PRRT2: variants seen among roughly 807,000 people sequenced by gnomAD.
PRRT2 encodes proline-rich transmembrane protein 2.
Under a neutral mutation model 24.7 loss-of-function variants are expected in PRRT2, and 9 were observed. The ratio of observed to expected loss-of-function variants is 0.36; its 90% CI spans 0.22 to 0.64. The LOEUF is 0.64. Ranked by LOEUF, PRRT2 falls within the 30% of genes least tolerant of loss-of-function variation. The pLI is 0.65. For missense variants in PRRT2, 460 were observed against 435.0 expected (o/e 1.06, Z -0.51); for synonymous variants, 195 against 175.5 (o/e 1.11, Z -0.88).
In PRRT2 at chr16:29,814,303, A is replaced by G. The variant is rs1305167545; in HGVS notation, c.880-30A>G. Reference sequence around the variant, plus strand: ...GGGCTGGCTTCTCCTGACCCCGGCTATGTGCCTCCACCCCTCGCCCTAACC... The same window carrying G: ...GGGCTGGCTTCTCCTGACCCCGGCTGTGTGCCTCCACCCCTCGCCCTAACC... On this transcript the variant is annotated intron_variant, in intron 2 of 3. Coordinates refer to ENST00000358758, the MANE Select transcript of PRRT2 (RefSeq NM_145239.3). This position sits in a 1 kb window ranked among gnomAD's most constrained non-coding sequence, Gnocchi z 4.1. 5 of 1,561,710 alleles carry G rather than the reference A, an allele frequency of 3.2e-6. No homozygotes were observed. Among genetic ancestry groups the G allele is most frequent in the African/African-American group, 2.7e-5 (2 of 73,174 alleles).
At position 29,813,126 on chromosome 16, in the gene PRRT2, G is replaced by T; in HGVS notation, c.72G>T (p.Gly24=). Residue 24 remains glycine (G), a synonymous_variant, in exon 2 of 4, where the codon GGG becomes GGT. Coordinates refer to ENST00000358758, the MANE Select transcript of PRRT2 (RefSeq NM_145239.3). The part of the protein sequence containing the change: ...VEESPKVPGE[G]PGHSEAETGP... ...AGAGTCCCAAGGTTCCAGGCGAAGG[G>T]CCTGGCCATTCTGAAGCTGAAACTG... 1 of 1,614,000 alleles carries T rather than the reference G, an allele frequency of 6.2e-7. No homozygotes were observed. Among genetic ancestry groups the T allele is most frequent in the Non-Finnish European group, 8.5e-7 (1 of 1,179,992 alleles).
rs1347630633 is a variant in PRRT2 at position 29,814,728 on chromosome 16, C to T, written c.*90C>T. 1 of 1,410,052 alleles carries T rather than the reference C, an allele frequency of 7.1e-7. No homozygotes were observed. Among genetic ancestry groups the T allele is most frequent in the Non-Finnish European group, 9.6e-7 (1 of 1,039,770 alleles). 87.3% of individuals were successfully genotyped at this position (1,410,052 alleles called of 1,614,324 possible). On this transcript the variant is annotated 3_prime_UTR_variant, in exon 4 of 4. Transcript: ENST00000358758. The surrounding 1 kb of genome is among the most constrained non-coding windows in gnomAD (Gnocchi z 4.1). ...CCTGGGGGGAGCCCAACTGATGGCCCTGGCCCCCACCCCTAAGGACCAAGG... is the reference window on the plus strand; with the variant it reads ...CCTGGGGGGAGCCCAACTGATGGCCTTGGCCCCCACCCCTAAGGACCAAGG...
Position 29,815,555 on chromosome 16 carries a change from T to C in PRRT2, c.*917T>C, listed in dbSNP as rs928516238. 1.3e-5 allele frequency: 2 copies of C among 152,262 alleles called. No individual in the cohort carries two copies. Among genetic ancestry groups the C allele is most frequent in the African/African-American group, 4.8e-5 (2 of 41,338 alleles). The allele number at this position is 152,262 out of a possible 1,614,324, so 9.4% of individuals were successfully genotyped here. On this transcript the variant is annotated 3_prime_UTR_variant, in exon 4 of 4. Coordinates refer to ENST00000358758, the MANE Select transcript of PRRT2 (RefSeq NM_145239.3). ...TTCATTCACGTGCTTCGTAATGAAA[T>C]AATCCAAAAAATAGGACCAAAGCGC... is the stretch of plus-strand genomic sequence containing the variant.
chr16:29,813,020 C>T lies in PRRT2; in HGVS notation c.-35C>T. ...GCCGCTGTCTCTGCTATTCCATCCT[C>T]CCCATAGGGGCTCTCTCCCCTCTCC... On this transcript the variant is annotated 5_prime_UTR_variant, in exon 2 of 4. Coordinates refer to ENST00000358758, the MANE Select transcript of PRRT2 (RefSeq NM_145239.3). 6.4e-7 allele frequency: 1 copy of T among 1,561,342 alleles called. No homozygotes were observed. The highest frequency in any genetic ancestry group is 1.2e-5 in the South Asian group (1 of 81,676).
rs1470819810 is a variant in PRRT2, at chr16:29,814,770, G to A, written c.*132G>A. 4 of 951,090 alleles carry A rather than the reference G, an allele frequency of 4.2e-6. No homozygotes were observed. The East Asian group carries it at 1.0e-4, about 24-fold the overall frequency. The allele number at this position is 951,090 out of a possible 1,614,324, so 58.9% of individuals were successfully genotyped here. Reference sequence around the variant, plus strand: ...GGACCAAGGGAGCCTGAGCGGCCTTGTTTACAGCTTCTGTCCTGCTCCTGC... The same window carrying A: ...GGACCAAGGGAGCCTGAGCGGCCTTATTTACAGCTTCTGTCCTGCTCCTGC... On this transcript the variant is annotated 3_prime_UTR_variant, in exon 4 of 4. Coordinates refer to ENST00000358758, the MANE Select transcript of PRRT2 (RefSeq NM_145239.3). This position sits in a 1 kb window ranked among gnomAD's most constrained non-coding sequence, Gnocchi z 4.1.
chr16:29,813,603 A>C lies in PRRT2; in HGVS notation c.549A>C (p.Ala183=). The change falls in exon 2 of 4, where the codon GCA becomes GCC. Residue 183 remains alanine, a synonymous_variant. Coordinates refer to ENST00000358758, the MANE Select transcript of PRRT2 (RefSeq NM_145239.3). ...TAGGGGAAAAGCAAGAGAATGGGGC[A>C]GTGGTGCCCCTGCAGGCTGGTGATG... ...ESVGEKQENG[A]VVPLQAGDGE... 1 of 1,613,390 alleles carries C rather than the reference A, an allele frequency of 6.2e-7. No homozygotes were observed. The highest frequency in any genetic ancestry group is 1.1e-5 in the South Asian group (1 of 91,032).
At position 29,812,588 on chromosome 16, in the gene PRRT2, T is replaced by TGGGA. The variant is rs1900029681; in HGVS notation, c.-66+267_-66+270dup. 1.9e-5 allele frequency: 3 copies of TGGGA among 153,892 alleles called. No homozygotes were observed. The Admixed American group carries it at 2.0e-4, about 10-fold the overall frequency. The allele number at this position is 153,892 out of a possible 1,614,324, so 9.5% of individuals were successfully genotyped here. On this transcript the variant is annotated intron_variant, in intron 1 of 3. Coordinates refer to ENST00000358758, the MANE Select transcript of PRRT2 (RefSeq NM_145239.3). ...GCGCAGCAAGAAAACCCGCACCGCC[T>TGGGA]GGGAGCCCAGGGAGGAGGGGAGGAT...
chr16:29,813,076 A>T lies in PRRT2; in HGVS notation c.22A>T (p.Ile8Phe). ...CAAGATGGCAGCCAGCAGCTCTGAG[A>T]TCTCTGAGATGAAGGGGGTTGAGGA... MAASSSE[I>F]SEMKGVEESP... Residue 8 changes from isoleucine to phenylalanine, a missense_variant, in exon 2 of 4, where the codon ATC becomes TTC. Around this residue, in one of 3 missense-constraint regions of PRRT2, gnomAD observed 378 missense variants for 324.6 expected, o/e 1.16. Transcript: ENST00000358758. The T allele has an allele frequency of 1.2e-6, 2 of 1,607,994 alleles. No individual in the cohort carries two copies. Among genetic ancestry groups the T allele is most frequent in the South Asian group, 2.2e-5 (2 of 90,464 alleles).
Position 29,814,326 on chromosome 16 carries a change from AC to A in PRRT2, c.880-3del. 6.3e-7 allele frequency: 1 copy of A among 1,592,176 alleles called. No homozygotes were observed. ...CTATGTGCCTCCACCCCTCGCCCTA[AC>A]CCCAGTCCCGGAACAGCCTGCAGCA... On this transcript the variant is annotated splice_region_variant and splice_polypyrimidine_tract_variant and intron_variant, in intron 2 of 3. Transcript: ENST00000358758. This position sits in a 1 kb window ranked among gnomAD's most constrained non-coding sequence, Gnocchi z 4.1.
In PRRT2 at chr16:29,814,209, C is replaced by T; in HGVS notation, c.880-124C>T. On this transcript the variant is annotated intron_variant, in intron 2 of 3. Transcript: ENST00000358758. This position sits in a 1 kb window ranked among gnomAD's most constrained non-coding sequence, Gnocchi z 4.1. ...CCCCCTGCCCCTTCACTCCTCCTTC[C>T]TCCCTTACCCGCCATCTATGGGGCT... The T allele has an allele frequency of 2.7e-6, 4 of 1,492,950 alleles. No individual in the cohort carries two copies. The highest frequency in any genetic ancestry group is 4.6e-5 in the East Asian group (2 of 43,116). 92.5% of individuals were successfully genotyped at this position (1,492,950 alleles called of 1,614,324 possible). A position where few individuals can be genotyped will look rare whatever the true frequency, so the allele number is the denominator to read the frequency against.
Position 29,813,422 on chromosome 16 carries a change from G to A in PRRT2, c.368G>A (p.Gly123Glu), listed in dbSNP as rs758798693. 5.6e-6 allele frequency: 9 copies of A among 1,614,096 alleles called. No homozygotes were observed. Among genetic ancestry groups the A allele is most frequent in the Non-Finnish European group, 6.8e-6 (8 of 1,180,008 alleles). ...EVSKEATADQ[G>E]SRLESAAPPE... ...AGCAAAGAGGCCACTGCAGACCAGG[G>A]GTCCAGGCTGGAGTCTGCAGCCCCA... Residue 123 changes from glycine to glutamate, a missense_variant, in exon 2 of 4, where the codon GGG (glycine) becomes GAG (glutamate). Physicochemically the swap from Gly to Glu is moderately conservative, Grantham distance 98. Coordinates refer to ENST00000358758, the MANE Select transcript of PRRT2 (RefSeq NM_145239.3).
In PRRT2 at chr16:29,813,074, A is replaced by C; in HGVS notation, c.20A>C (p.Glu7Ala). MAASSS[E>A]ISEMKGVEES... ...CTCAAGATGGCAGCCAGCAGCTCTG[A>C]GATCTCTGAGATGAAGGGGGTTGAG... is the stretch of plus-strand genomic sequence containing the variant. The change falls in exon 2 of 4, where the codon GAG becomes GCG. Residue 7 changes from glutamate (E) to alanine (A), a missense_variant. Glu to Ala is a moderately radical substitution (Grantham distance 107). Around this residue, in one of 3 missense-constraint regions of PRRT2, gnomAD observed 378 missense variants for 324.6 expected, o/e 1.16. Transcript: ENST00000358758. The C allele has an allele frequency of 6.2e-7, 1 of 1,607,518 alleles. No homozygotes were observed.
In PRRT2 at chr16:29,813,827, G is replaced by C; in HGVS notation, c.773G>C (p.Gly258Ala). 1 of 1,613,596 alleles carries C rather than the reference G, an allele frequency of 6.2e-7. No individual in the cohort carries two copies. The highest frequency in any genetic ancestry group is 8.5e-7 in the Non-Finnish European group (1 of 1,179,710). The change falls in exon 2 of 4, where the codon GGG becomes GCG. Residue 258 changes from glycine (G) to alanine (A), a missense_variant. Physicochemically the swap from Gly to Ala is moderately conservative, Grantham distance 60. Around this residue, in one of 3 missense-constraint regions of PRRT2, gnomAD observed 378 missense variants for 324.6 expected, o/e 1.16. Coordinates refer to ENST00000358758, the MANE Select transcript of PRRT2 (RefSeq NM_145239.3). ...CAGTTGGCAGGTCCTGGGGTGGAGG[G>C]GGGTGAAGGCACCCAGAAACCTCGG... ...SSQLAGPGVEGGEGTQKPRDY... is the reference protein window; with the variant it reads ...SSQLAGPGVEAGEGTQKPRDY...
At position 29,812,334 on chromosome 16, in the gene PRRT2, G is replaced by A. The variant is rs954946950; in HGVS notation, c.-66+11G>A. On this transcript the variant is annotated intron_variant, in intron 1 of 3. Coordinates refer to ENST00000358758, the MANE Select transcript of PRRT2 (RefSeq NM_145239.3). The stretch of plus-strand genomic sequence containing the variant: ...GAGGCCGGCGTCGAGGTGAGACCCG[G>A]GCAGACTGAGGCTGCGGGTAGGAGT... 1 of 155,232 alleles carries A rather than the reference G, an allele frequency of 6.4e-6. No individual in the cohort carries two copies. Among genetic ancestry groups the A allele is most frequent in the African/African-American group, 2.4e-5 (1 of 41,472 alleles). 9.6% of individuals were successfully genotyped at this position (155,232 alleles called of 1,614,324 possible).
In PRRT2 at chr16:29,813,701, C is replaced by A. The variant is rs76335820; in HGVS notation, c.647C>A (p.Pro216His). 3.7e-4 allele frequency: 584 copies of A among 1,582,356 alleles called. 3 individuals are homozygous for A. The highest frequency in any genetic ancestry group is 1.3e-3 in the South Asian group (114 of 86,804). The change falls in exon 2 of 4, where the codon CCC becomes CAC. Residue 216 changes from proline (P) to histidine (H), a missense_variant. Physicochemically the swap from Pro to His is moderately conservative, Grantham distance 77 (BLOSUM62 -2). Transcript: ENST00000358758. ...KKSPPANGAP[P>H]RVLQQLVEED... Reference sequence around the variant, plus strand: ...TCCCCCCCAGCCAATGGGGCCCCCCCCCGAGTGCTGCAGCAGCTGGTTGAG... The same window carrying A: ...TCCCCCCCAGCCAATGGGGCCCCCCACCGAGTGCTGCAGCAGCTGGTTGAG...
chr16:29,812,884 G>A, intron 1 of PRRT2, 106 bp from the exon 2 acceptor site: 1 of 678,218 alleles, frequency 1.5e-6, no homozygotes, highest in Admixed American at 2.9e-5. Context: ...CCTCTCCCTA[G>A]AGGCAGTGCA....
rs1226123301 is a variant in PRRT2, at chr16:29,814,088, T to G, written c.879+155T>G. The G allele has an allele frequency of 1.4e-6, 2 of 1,474,394 alleles. No individual in the cohort carries two copies. Among genetic ancestry groups the G allele is most frequent in the East Asian group, 4.8e-5 (2 of 42,084 alleles). 91.3% of individuals were successfully genotyped at this position (1,474,394 alleles called of 1,614,324 possible). On this transcript the variant is annotated intron_variant, in intron 2 of 3. Transcript: ENST00000358758. The surrounding 1 kb of genome is among the most constrained non-coding windows in gnomAD (Gnocchi z 4.1). Reference sequence around the variant, plus strand: ...TCCAGGGCCTTTGTTTGCCTCTCCCTAGGACCTAACCCTCTGAGCCACCAC... The same window carrying G: ...TCCAGGGCCTTTGTTTGCCTCTCCCGAGGACCTAACCCTCTGAGCCACCAC...
chr16:29,814,801 G>T lies in PRRT2; in HGVS notation c.*163G>T. The T allele has an allele frequency of 1.4e-6, 1 of 723,888 alleles. No homozygotes were observed. The allele number at this position is 723,888 out of a possible 1,614,324, so 44.8% of individuals were successfully genotyped here. On this transcript the variant is annotated 3_prime_UTR_variant, in exon 4 of 4. Transcript: ENST00000358758. The surrounding 1 kb of genome is among the most constrained non-coding windows in gnomAD (Gnocchi z 4.1). ...AGCTTCTGTCCTGCTCCTGCATCTT[G>T]CCAGGCTCCTCTGCCAACTGTAGGC...
At position 29,813,252 on chromosome 16, in the gene PRRT2, G is replaced by C. The variant is rs761593933; in HGVS notation, c.198G>C (p.Gly66=). 2.5e-6 allele frequency: 4 copies of C among 1,613,882 alleles called. No individual in the cohort carries two copies. The East Asian group carries it at 8.9e-5, about 36-fold the overall frequency. The change falls in exon 2 of 4, where the codon GGG becomes GGC. Residue 66 remains glycine, a synonymous_variant. Transcript: ENST00000358758. ...AAPVDSGPKA[G]LAPETTETPA... ...CTGTGGACTCAGGGCCCAAGGCTGG[G>C]CTGGCTCCAGAAACCACAGAGACCC...
Sources: gnomAD v4.1 joint callset for allele counts on GRCh38, gnomAD v4.1.1 for gene constraint, gnomAD v4.1.1 regional missense constraint, Gnocchi (gnomAD v3.1) non-coding constraint, MANE v1.5 for transcripts, NCBI Gene and HGNC (gene_info 2026-07-23, HGNC 2026-07-21) for gene names.